Variants in WDR20 observed in about 807,000 individuals in gnomAD.
WDR20 encodes WD repeat domain 20, also known as WD repeat-containing protein 20.
A neutral mutation model predicts 38.7 loss-of-function variants in WDR20; 3 were observed. That is an observed-to-expected ratio of 0.08 (90% CI 0.04 to 0.20). The LOEUF (loss-of-function observed/expected upper bound fraction) is 0.20, where lower values mean the gene tolerates loss of function less well. WDR20 is among the 10% of genes least tolerant of loss of function. The pLI, the probability that WDR20 is intolerant of heterozygous loss-of-function variation, is 1.00. For synonymous variants in WDR20, 298 were observed against 285.6 expected (o/e 1.04, Z -0.44); for missense variants, 559 against 727.7 (o/e 0.77, Z 2.67).
chr14:102,203,571 G>A (rs750131705), intron 2 of WDR20, among the ~76,000 whole-genome samples: 1 of 152,092 alleles, frequency 6.6e-6, no homozygotes, highest in Non-Finnish European at 1.5e-5. Context: ...CATGTGCTGC[G>A]ATCAAGACAG....
intron 1 of WDR20, among the ~76,000 whole-genome samples, chr14:102,176,425 G>T (rs898354506): frequency 7.2e-6 from 1 of 139,514 alleles, no homozygotes; most frequent in African/African-American, 2.7e-5. Flanking sequence ...GGGGCCGGGC[G>T]TGGTGGCTCA....
chr14:102,170,633 AAAATT>A (rs2060612936), intron 1 of WDR20, among the ~76,000 whole-genome samples: 1 of 152,000 alleles, frequency 6.6e-6, no homozygotes, highest in African/African-American at 2.4e-5. Flanking sequence ...TAAAAAAAAA[AAAATT>A]AAGTTGGTAG....
chr14:102,224,406 C>T (rs1263244031), downstream of WDR20: 6 of 370,492 alleles, frequency 1.6e-5, no homozygotes, highest in Admixed American at 3.5e-5. Context: ...GCATCCCACA[C>T]CTGCTCAGCG....
chr14:102,194,430 G>A (rs1301515727), intron 1 of WDR20, among the ~76,000 whole-genome samples: 2 of 152,174 alleles, frequency 1.3e-5, no homozygotes, highest in South Asian at 2.1e-4. Context: ...CATTTAGTCT[G>A]GGGTGAGGTT....
downstream of WDR20, chr14:102,213,651 C>A (rs924581763): frequency 2.0e-6 from 2 of 985,354 alleles, no homozygotes; most frequent in Admixed American, 6.1e-5. Flanking sequence ...GCCCAGCTGG[C>A]ACGTGGCCAG....
chr14:102,142,358 A>G (rs898482582), intron 1 of WDR20, among the ~76,000 whole-genome samples: 2 of 152,232 alleles, frequency 1.3e-5, no homozygotes, highest in Non-Finnish European at 2.9e-5. Context: ...CTGATTTAAA[A>G]TATAGGAAAT....
chr14:102,160,348 C>A (rs2058357913), intron 1 of WDR20, among the ~76,000 whole-genome samples: 1 of 152,148 alleles, frequency 6.6e-6, no homozygotes, highest in Non-Finnish European at 1.5e-5. Context: ...TCCTGTCCTC[C>A]TTCCCCCTCC....
At chr14:102,199,622 C>A (rs1171263065) in intron 2 of WDR20, among the ~76,000 whole-genome samples, 1 of 152,142 alleles carries the variant, frequency 6.6e-6, no homozygotes, top group East Asian at 1.9e-4. Flanking sequence ...GTGCACACAC[C>A]TTCACACACC....
chr14:102,195,003 C>T lies in WDR20; in HGVS notation c.315C>T (p.Asp105=), dbSNP rs1482432815. Residue 105 remains aspartate, a synonymous_variant, in exon 2 of 3, where the codon GAC becomes GAT. Transcript: ENST00000342702. ...AAGGAACACAGCCTACTTGTCATGACTTCAACCACCTAACAGCCACAGCAG... is the reference window on the plus strand; with the variant it reads ...AAGGAACACAGCCTACTTGTCATGATTTCAACCACCTAACAGCCACAGCAG... The part of the protein sequence containing the change: ...IYKGTQPTCH[D]FNHLTATAES... The T allele has an allele frequency of 1.9e-6, 3 of 1,614,098 alleles. No individual in the cohort carries two copies. The highest frequency in any genetic ancestry group is 1.1e-5 in the South Asian group (1 of 91,092).
intron 1 of WDR20, among the ~76,000 whole-genome samples, chr14:102,158,931 G>C (rs1173213012): frequency 6.6e-6 from 1 of 151,830 alleles, no homozygotes; most frequent in East Asian, 1.9e-4. Flanking sequence ...GACTCTTTCT[G>C]ACACCCACTC....
chr14:102,173,975 C>T (rs1310792070), intron 1 of WDR20, among the ~76,000 whole-genome samples: 1 of 149,766 alleles, frequency 6.7e-6, no homozygotes, highest in Non-Finnish European at 1.5e-5. Flanking sequence ...ACCCGGGAGG[C>T]GGAGCTTGCA....
chr14:102,221,256 C>T lies in WDR20; in HGVS notation c.1693-1574C>T, dbSNP rs141797364. ...AGGCTGGGTCACCACCACTTTCTCC[C>T]TCTGCCAGGAGTAGATGACTTTTCT... On this transcript the variant is annotated intron_variant, in intron 3 of 3. Coordinates refer to the WDR20 transcript ENST00000335263. The surrounding 1 kb of genome is among the most constrained non-coding windows in gnomAD (Gnocchi z 4.8). Among the ~76,000 whole-genome samples the T allele has an allele frequency of 3.0e-3, 458 of 152,352 alleles. 3 individuals are homozygous for T. Among genetic ancestry groups the T allele is most frequent in the African/African-American group, 0.01 (434 of 41,572 alleles).
downstream of WDR20, chr14:102,213,620 C>T (rs1239283001): frequency 9.1e-6 from 9 of 985,344 alleles, no homozygotes; most frequent in African/African-American, 1.6e-4. Context: ...GGGCTCTCCA[C>T]TGGCTGACTT....
intron 1 of WDR20, among the ~76,000 whole-genome samples, chr14:102,156,609 A>G (rs898112211): frequency 6.6e-6 from 1 of 152,000 alleles, no homozygotes; most frequent in African/African-American, 2.4e-5. Context: ...CCTGGGCTCA[A>G]GTGACCCTTC....
chr14:102,168,139 C>T (rs953939429), intron 1 of WDR20, among the ~76,000 whole-genome samples: 1 of 152,152 alleles, frequency 6.6e-6, no homozygotes, highest in Admixed American at 6.5e-5. Context: ...CCATATCTTA[C>T]CATAGCACTG....
rs1314687993 is a variant in WDR20 at position 102,161,129 on chromosome 14, TATATATATATA to T, written c.249+20958_249+20968del. Among the ~76,000 whole-genome samples the T allele has an allele frequency of 3.8e-4, 3 of 7,960 alleles. No individual in the cohort carries two copies. The East Asian group carries it at 0.023, about 60-fold the overall frequency. 5.2% of individuals were successfully genotyped at this position (7,960 alleles called of 152,430 possible). On this transcript the variant is annotated intron_variant, in intron 1 of 2. Transcript: ENST00000342702. The stretch of plus-strand genomic sequence containing the variant: ...GGGTCAAAGCATAACTGCATATATA[TATATATATATA>T]TATTTTTTTTTTTTTTTTTTTTTTT...
Position 102,221,287 on chromosome 14 carries a change from C to T in WDR20, c.1693-1543C>T, listed in dbSNP as rs768738203. Among the ~76,000 whole-genome samples the T allele has an allele frequency of 1.4e-4, 22 of 152,184 alleles. No individual in the cohort carries two copies. The highest frequency in any genetic ancestry group is 2.8e-4 in the Non-Finnish European group (19 of 68,038). On this transcript the variant is annotated intron_variant, in intron 3 of 3. Coordinates refer to the WDR20 transcript ENST00000335263. This position sits in a 1 kb window ranked among gnomAD's most constrained non-coding sequence, Gnocchi z 4.8. Reference sequence around the variant, plus strand: ...CAGGAGTAGATGACTTTTCTGTTGCCGGGGGGAAGGGAGGTGCCTCCTGGT... The same window carrying T: ...CAGGAGTAGATGACTTTTCTGTTGCTGGGGGGAAGGGAGGTGCCTCCTGGT...
chr14:102,161,277 A>G (rs1344882415), intron 1 of WDR20, among the ~76,000 whole-genome samples: 2 of 145,478 alleles, frequency 1.4e-5, no homozygotes, highest in African/African-American at 5.1e-5. Flanking sequence ...CAGCCTCCCA[A>G]GTAGCTGGAA....
At chr14:102,197,980 G>A (rs1596695884) in intron 2 of WDR20, 1 of 547,294 alleles carries the variant, frequency 1.8e-6, no homozygotes, top group East Asian at 2.8e-5. Flanking sequence ...CCTCTCAGGA[G>A]GGAAGAGAGG....
Sources: gnomAD v4.1 joint callset for allele counts (sites outside exome capture counted in the v4.1 genomes callset) on GRCh38, gnomAD v4.1.1 for gene constraint, Gnocchi (gnomAD v3.1) non-coding constraint, MANE v1.5 for transcripts, NCBI Gene and HGNC (gene_info 2026-07-23, HGNC 2026-07-21) for gene names.